Variants in PI16 observed in about 807,000 individuals in gnomAD.
PI16 encodes peptidase inhibitor 16.
A neutral mutation model predicts 38.0 loss-of-function variants in PI16; 35 were observed. The observed-to-expected ratio is 0.92, with a 90% CI of 0.70 to 1.22. PI16 has a LOEUF of 1.22. Among genes scored for constraint, PI16 ranks in the 50% most tolerant of loss-of-function variants. PI16 has a pLI of 0.00. For missense variants in PI16, 572 were observed against 593.8 expected (o/e 0.96, Z 0.38); for synonymous variants, 275 against 252.9 (o/e 1.09, Z -0.83).
At chr6:36,959,931 C>T (rs1209905830) in intron 2 of PI16, among the ~76,000 whole-genome samples, 1 of 150,968 alleles carries the variant, frequency 6.6e-6, no homozygotes, top group African/African-American at 2.4e-5. Context: ...GACGGTGGGA[C>T]ATGTTAGGTG....
At chr6:36,956,344 G>T (rs1763206622) in intron 1 of PI16, among the ~76,000 whole-genome samples, 2 of 152,238 alleles carry the variant, frequency 1.3e-5, no homozygotes. Flanking sequence ...TTCCCCACCT[G>T]TAGATCCCTG....
In PI16 at chr6:36,964,483, T is replaced by C. The variant is rs1193799751; in HGVS notation, c.*116T>C. 6.5e-6 allele frequency: 1 copy of C among 153,060 alleles called. No homozygotes were observed. Among genetic ancestry groups the C allele is most frequent in the African/African-American group, 2.4e-5 (1 of 41,448 alleles). 9.5% of individuals were successfully genotyped at this position (153,060 alleles called of 1,614,324 possible). A position where few individuals can be genotyped will look rare whatever the true frequency, so the allele number is the denominator to read the frequency against. ...TTAAGGCCCTCCGGAAGGGAAAGGCTACGGGGCATGTGCCTCATCACACCA... is the reference window on the plus strand; with the variant it reads ...TTAAGGCCCTCCGGAAGGGAAAGGCCACGGGGCATGTGCCTCATCACACCA... On this transcript the variant is annotated 3_prime_UTR_variant, in exon 7 of 7. Coordinates refer to ENST00000373674, the MANE Select transcript of PI16 (RefSeq NM_153370.3).
Position 36,963,600 on chromosome 6 carries a change from T to G in PI16, c.1258T>G (p.Ser420Ala). 1 of 1,613,780 alleles carries G rather than the reference T, an allele frequency of 6.2e-7. No homozygotes were observed. The highest frequency in any genetic ancestry group is 8.5e-7 in the Non-Finnish European group (1 of 1,179,772). The change falls in exon 5 of 7, where the codon TCG becomes GCG. Residue 420 changes from serine (S) to alanine (A), a missense_variant. Transcript: ENST00000373674. ...ATGGRALALQSSLPGAEGPDK... is the reference protein window; with the variant it reads ...ATGGRALALQASLPGAEGPDK... Reference sequence around the variant, plus strand: ...GGGTGGGCGTGCCCTGGCTCTGCAGTCGTCCTTGCCAGGTAAGGCCCATAG... The same window carrying G: ...GGGTGGGCGTGCCCTGGCTCTGCAGGCGTCCTTGCCAGGTAAGGCCCATAG...
chr6:36,953,851 T>A (rs1451164157), upstream of PI16, among the ~76,000 whole-genome samples: 2 of 152,322 alleles, frequency 1.3e-5, no homozygotes, highest in East Asian at 1.9e-4. Context: ...GCTTTTCTGC[T>A]CTCTCTTGAT....
chr6:36,958,719 G>A (rs1763267993), intron 1 of PI16, among the ~76,000 whole-genome samples: 2 of 151,994 alleles, frequency 1.3e-5, no homozygotes, highest in South Asian at 4.1e-4. Context: ...AGGGAAATGG[G>A]CTGAATAAAC....
chr6:36,963,698 G>C, intron 5 of PI16, 86 bp downstream of exon 5: 1 of 1,545,626 alleles, frequency 6.5e-7, no homozygotes, highest in South Asian at 1.2e-5. Flanking sequence ...GAGCATGGTG[G>C]GGCATGCACC....
In PI16 at chr6:36,962,556, C is replaced by A. The variant is rs1763398838; in HGVS notation, c.593-379C>A. On this transcript the variant is annotated intron_variant, in intron 4 of 6. Transcript: ENST00000373674. The surrounding 1 kb of genome is among the most constrained non-coding windows in gnomAD (Gnocchi z 4.1). ...GGCTCGATCTCGGCTCACCTGCAACCTCCGCCTCCCGGTTTGAAGCAATTC... is the reference window on the plus strand; with the variant it reads ...GGCTCGATCTCGGCTCACCTGCAACATCCGCCTCCCGGTTTGAAGCAATTC... 6.6e-6 allele frequency among the ~76,000 whole-genome samples: 1 copy of A among 152,158 alleles called. No homozygotes were observed.
At position 36,962,825 on chromosome 6, in the gene PI16, T is replaced by G; in HGVS notation, c.593-110T>G. ...TATCAGCTGGAGAAGTGTATGTGTGTGTTTGTGTGTCCTGGTAGGACATTT... is the reference window on the plus strand; with the variant it reads ...TATCAGCTGGAGAAGTGTATGTGTGGGTTTGTGTGTCCTGGTAGGACATTT... On this transcript the variant is annotated intron_variant, in intron 4 of 6. Transcript: ENST00000373674. The surrounding 1 kb of genome is among the most constrained non-coding windows in gnomAD (Gnocchi z 4.1). 1 of 893,366 alleles carries G rather than the reference T, an allele frequency of 1.1e-6. No homozygotes were observed. The highest frequency in any genetic ancestry group is 1.7e-6 in the Non-Finnish European group (1 of 586,326). 55.3% of individuals were successfully genotyped at this position (893,366 alleles called of 1,614,324 possible).
In PI16 at chr6:36,959,257, A is replaced by C. The variant is rs1763287022; in HGVS notation, c.284A>C (p.Glu95Ala). 1 of 1,606,558 alleles carries C rather than the reference A, an allele frequency of 6.2e-7. No homozygotes were observed. The highest frequency in any genetic ancestry group is 1.7e-5 in the Admixed American group (1 of 59,070). ...RGENLFAITD[E>A]GMDVPLAMEE... ...GAGAATCTGTTCGCCATCACAGACG[A>C]GGGCATGGACGTGCCGCTGGCCATG... Residue 95 changes from glutamate (E) to alanine (A), a missense_variant, in exon 2 of 7, where the codon GAG becomes GCG. Physicochemically the swap from Glu to Ala is moderately radical, Grantham distance 107. Coordinates refer to ENST00000373674, the MANE Select transcript of PI16 (RefSeq NM_153370.3).
At position 36,962,989 on chromosome 6, in the gene PI16, C is replaced by A; in HGVS notation, c.647C>A (p.Ala216Asp). 1 of 1,614,152 alleles carries A rather than the reference C, an allele frequency of 6.2e-7. No individual in the cohort carries two copies. The highest frequency in any genetic ancestry group is 8.5e-7 in the Non-Finnish European group (1 of 1,180,010). The change falls in exon 5 of 7, where the codon GCC becomes GAC. Residue 216 changes from alanine to aspartate, a missense_variant. Transcript: ENST00000373674. This position sits in a 1 kb window ranked among gnomAD's most constrained non-coding sequence, Gnocchi z 4.1. ...AQDLPYLVTE[A>D]PSFRATEASD... ...GATTTGCCTTACCTGGTAACTGAGG[C>A]CCCATCCTTCCGGGCGACTGAAGCA...
chr6:36,963,369 CT>C lies in PI16; in HGVS notation c.1028del (p.Leu343ArgfsTer95). 6.2e-7 allele frequency: 1 copy of C among 1,614,200 alleles called. No individual in the cohort carries two copies. Among genetic ancestry groups the C allele is most frequent in the African/African-American group, 1.3e-5 (1 of 75,058 alleles). On this transcript the variant is annotated frameshift_variant, in exon 5 of 7. Coordinates refer to ENST00000373674, the MANE Select transcript of PI16 (RefSeq NM_153370.3). LOFTEE classifies it high-confidence loss of function. ...PENSLDPKMS[L>X]TGARELLPHA... ...GAACTCTCTGGACCCCAAGATGTCC[CT>C]GACAGGGGCAAGGGAACTCCTACCC...
At chr6:36,955,497 T>C (rs935521382) in intron 1 of PI16, among the ~76,000 whole-genome samples, 2 of 152,038 alleles carry the variant, frequency 1.3e-5, no homozygotes, top group Non-Finnish European at 2.9e-5. Flanking sequence ...TCTGTCTCGG[T>C]CACCTACAAG....
chr6:36,958,903 G>T (rs1763272881), intron 1 of PI16, among the ~76,000 whole-genome samples: 1 of 152,158 alleles, frequency 6.6e-6, no homozygotes, highest in South Asian at 2.1e-4. Context: ...TGAGGGTGCG[G>T]AAAGTTTAGA....
chr6:36,952,046 T>C (rs1194142918), upstream of PI16, among the ~76,000 whole-genome samples: 2 of 149,742 alleles, frequency 1.3e-5, no homozygotes, highest in Admixed American at 1.3e-4. Flanking sequence ...CAGGCTGGAA[T>C]GCGGTGACTG....
rs77057965 is a variant in PI16 at position 36,959,002 on chromosome 6, C to A, written c.172-143C>A. 3,987 of 713,230 alleles carry A rather than the reference C, an allele frequency of 5.6e-3. 116 individuals carry two copies. The African/African-American group carries it at 0.062, about 11-fold the overall frequency. The allele number at this position is 713,230 out of a possible 1,614,324, so 44.2% of individuals were successfully genotyped here. A position where few individuals can be genotyped will look rare whatever the true frequency, so the allele number is the denominator to read the frequency against. ...CCGCCCCACAGACGCCCACCCAGAG[C>A]AGAGACCTGTTCTAGGCCATGCCCA... is the stretch of plus-strand genomic sequence containing the variant. On this transcript the variant is annotated intron_variant, in intron 1 of 6. Transcript: ENST00000373674.
rs1583233603 is a variant in PI16, at chr6:36,959,133, C to A, written c.172-12C>A. The A allele has an allele frequency of 3.8e-6, 6 of 1,599,658 alleles. No individual in the cohort carries two copies. In the East Asian group the frequency reaches 1.4e-4, roughly 36 times the overall value. Reference sequence around the variant, plus strand: ...GGGCATCCTCACCTCCCTTCTCTCACCTGCCCTGCAGAGATGGGACGAGGA... The same window carrying A: ...GGGCATCCTCACCTCCCTTCTCTCAACTGCCCTGCAGAGATGGGACGAGGA... On this transcript the variant is annotated splice_polypyrimidine_tract_variant and intron_variant, in intron 1 of 6. Transcript: ENST00000373674.
rs969255840 is a variant in PI16, at chr6:36,963,094, C to T, written c.752C>T (p.Ser251Phe). The part of the protein sequence containing the change: ...PAFLVTEVSG[S>F]LATKALPAVE... ...TTCTTGGTAACAGAGGTCTCAGGCTCCCTGGCAACCAAGGCTCTGCCTGCT... is the reference window on the plus strand; with the variant it reads ...TTCTTGGTAACAGAGGTCTCAGGCTTCCTGGCAACCAAGGCTCTGCCTGCT... The change falls in exon 5 of 7, where the codon TCC (serine) becomes TTC (phenylalanine). Residue 251 changes from serine to phenylalanine, a missense_variant. Coordinates refer to ENST00000373674, the MANE Select transcript of PI16 (RefSeq NM_153370.3). 5 of 1,614,200 alleles carry T rather than the reference C, an allele frequency of 3.1e-6. No individual in the cohort carries two copies. The African/African-American group carries it at 4.0e-5, about 13-fold the overall frequency.
chr6:36,964,248 C>G (rs751219491), intron 6 of PI16, 138 bp from the exon 7 acceptor site: 3 of 271,110 alleles, frequency 1.1e-5, no homozygotes, highest in African/African-American at 2.2e-5. Flanking sequence ...TCAGGTTGTC[C>G]TGTGGCCATC....
chr6:36,948,621 T>TC (rs1461146566), intron 1 of PI16, among the ~76,000 whole-genome samples: 1 of 103,594 alleles, frequency 9.7e-6, no homozygotes, highest in Non-Finnish European at 1.9e-5. Flanking sequence ...TTTTTTTTTT[T>TC]CCTTCCTTCC....
Sources: gnomAD v4.1 joint callset for allele counts (sites outside exome capture counted in the v4.1 genomes callset) on GRCh38, gnomAD v4.1.1 for gene constraint, Gnocchi (gnomAD v3.1) non-coding constraint, MANE v1.5 for transcripts, NCBI Gene and HGNC (gene_info 2026-07-23, HGNC 2026-07-21) for gene names.